The following PCDHGB1 variants were observed in gnomAD, a reference collection of about 807,000 sequenced individuals.
The protein encoded by PCDHGB1 is protocadherin gamma subfamily B, 1.
PCDHGB1 carries 34 observed loss-of-function variants against 56.6 expected under a neutral mutation model. The ratio of observed to expected loss-of-function variants is 0.60; its 90% CI spans 0.46 to 0.80. PCDHGB1 has a LOEUF of 0.80. Ranked by LOEUF, PCDHGB1 falls within the 30% of genes least tolerant of loss-of-function variation. The pLI is 0.00. For synonymous variants in PCDHGB1, 561 were observed against 505.9 expected, an observed-to-expected ratio of 1.11 and a Z score of -1.46; for missense variants, 1,278 against 1,204.6, an observed-to-expected ratio of 1.06 and a Z score of -0.90.
rs2099404773 is a variant in PCDHGB1 at position 141,477,081 on chromosome 5, T to C, written c.2410-17726T>C. ...GACACCAAACTCCATGAGATTTACA[T>C]CCAGGCCAAAGACAAGGGCGCCAAT... On this transcript the variant is annotated intron_variant, in intron 1 of 3. Transcript: ENST00000523390. The surrounding 1 kb of genome is among the most constrained non-coding windows in gnomAD (Gnocchi z 4.9). 6.2e-7 allele frequency: 1 copy of C among 1,614,104 alleles called. No individual in the cohort carries two copies. Among genetic ancestry groups the C allele is most frequent in the Non-Finnish European group, 8.5e-7 (1 of 1,180,052 alleles).
chr5:141,423,811 T>G, intron 1 of PCDHGB1: 1 of 1,254,642 alleles, frequency 8.0e-7, no homozygotes, highest in Non-Finnish European at 1.0e-6. Flanking sequence ...ACATGTGAGT[T>G]TTACTTTGCC....
intron 1 of PCDHGB1, chr5:141,383,490 G>A: frequency 6.2e-7 from 1 of 1,613,286 alleles, no homozygotes; most frequent in South Asian, 1.1e-5. Flanking sequence ...TGGTGCTGGA[G>A]CGGGTGCTGG....
chr5:141,503,209 C>T (rs963237902), intron 2 of PCDHGB1, among the ~76,000 whole-genome samples: 3 of 152,020 alleles, frequency 2.0e-5, no homozygotes, highest in African/African-American at 7.3e-5. Context: ...TCTCAGTGCC[C>T]ACCATGAGCA....
intron 1 of PCDHGB1, chr5:141,389,722 G>T (rs141134077): frequency 1.9e-6 from 3 of 1,612,560 alleles, no homozygotes; most frequent in Non-Finnish European, 1.7e-6. Context: ...AGCGAGCCCG[G>T]GCTCTTCAGC....
rs2097424370 is a variant in PCDHGB1, at chr5:141,431,859, C to G, written c.2410-62948C>G. On this transcript the variant is annotated intron_variant, in intron 1 of 3. Coordinates refer to ENST00000523390, the MANE Select transcript of PCDHGB1 (RefSeq NM_018922.3). The surrounding 1 kb of genome is among the most constrained non-coding windows in gnomAD (Gnocchi z 4.8). ...AACTCTCCCAGAGGGACATTAATTG[C>G]CCTTTTAAATGTAAATGACCAAGAT... is the stretch of plus-strand genomic sequence containing the variant. The G allele has an allele frequency of 1.2e-6, 2 of 1,614,060 alleles. No individual in the cohort carries two copies. Among genetic ancestry groups the G allele is most frequent in the Middle Eastern group, 3.3e-4 (2 of 6,084 alleles).
intron 1 of PCDHGB1, chr5:141,372,213 C>T (rs999187008): frequency 1.2e-6 from 2 of 1,613,592 alleles, no homozygotes; most frequent in Non-Finnish European, 1.7e-6. Context: ...GCTGTCCTAC[C>T]ACATTGTGCA....
At position 141,490,219 on chromosome 5, in the gene PCDHGB1, C is replaced by T. The variant is rs771985398; in HGVS notation, c.2410-4588C>T. 2.5e-5 allele frequency: 41 copies of T among 1,614,094 alleles called. No individual in the cohort carries two copies. The highest frequency in any genetic ancestry group is 3.3e-5 in the Non-Finnish European group (39 of 1,180,038). On this transcript the variant is annotated intron_variant, in intron 1 of 3. Coordinates refer to ENST00000523390, the MANE Select transcript of PCDHGB1 (RefSeq NM_018922.3). This position sits in a 1 kb window ranked among gnomAD's most constrained non-coding sequence, Gnocchi z 5.4. ...TCATGCAAGAGCCCGTGACCAGGGA[C>T]AGCCTGCCATGGAGGGCCACTGTGT... is the stretch of plus-strand genomic sequence containing the variant.
intron 1 of PCDHGB1, chr5:141,361,920 C>G: frequency 1.2e-6 from 2 of 1,608,060 alleles, no homozygotes; most frequent in Middle Eastern, 4.2e-4. Flanking sequence ...TGGCGGTGGA[C>G]GCAGACTCAG....
intron 1 of PCDHGB1, among the ~76,000 whole-genome samples, chr5:141,448,434 GA>G (rs1297090877): frequency 1.3e-5 from 2 of 152,050 alleles, no homozygotes; most frequent in South Asian, 4.2e-4. Flanking sequence ...TATATATTGA[GA>G]AGTCTGACTT....
chr5:141,400,189 C>T (rs376855933), intron 1 of PCDHGB1: 52 of 1,613,938 alleles, frequency 3.2e-5, no homozygotes, highest in Non-Finnish European at 4.2e-5. Flanking sequence ...GCAGTTTTAC[C>T]TAGTGGTGGC....
At chr5:141,409,735 C>T (rs763035733) in intron 1 of PCDHGB1, 1 of 1,613,006 alleles carries the variant, frequency 6.2e-7, no homozygotes, top group Admixed American at 1.7e-5. Context: ...GCGCGCAGAG[C>T]GGGGTGGTGT....
chr5:141,463,438 CTTTTTTTTTT>C (rs71576115), intron 1 of PCDHGB1, among the ~76,000 whole-genome samples: 6 of 103,254 alleles, frequency 5.8e-5, no homozygotes, highest in Non-Finnish European at 9.4e-5. Flanking sequence ...TTTCCTTCTC[CTTTTTTTTTT>C]TTTTTTTTTT....
chr5:141,370,811 G>A (rs367716692), intron 1 of PCDHGB1: 14 of 1,613,898 alleles, frequency 8.7e-6, no homozygotes, highest in Non-Finnish European at 1.2e-5. Context: ...ATATCACTGA[G>A]CTGGAAATCA....
intron 1 of PCDHGB1, among the ~76,000 whole-genome samples, chr5:141,352,985 T>TA (rs913354282): frequency 6.6e-6 from 1 of 152,130 alleles, no homozygotes; most frequent in African/African-American, 2.4e-5. Context: ...GGAAACTGTC[T>TA]AAAAAAACAA....
intron 1 of PCDHGB1, among the ~76,000 whole-genome samples, chr5:141,492,164 C>G (rs1180358388): frequency 6.6e-6 from 1 of 152,230 alleles, no homozygotes; most frequent in Non-Finnish European, 1.5e-5. Context: ...CTCCCTATCC[C>G]CGCATCACCC....
At chr5:141,399,579 C>CT (rs1419885738) in intron 1 of PCDHGB1, 1 of 1,614,026 alleles carries the variant, frequency 6.2e-7, no homozygotes, top group African/African-American at 1.3e-5. Context: ...GCCAAGTCTC[C>CT]TACTCTATCA....
At chr5:141,381,657 C>A (rs1224064730) in intron 1 of PCDHGB1, among the ~76,000 whole-genome samples, 1 of 152,134 alleles carries the variant, frequency 6.6e-6, no homozygotes, top group Non-Finnish European at 1.5e-5. Context: ...AAATGGGTTG[C>A]TTCTATAGCT....
At position 141,357,475 on chromosome 5, in the gene PCDHGB1, C is replaced by G. The variant is rs778953357; in HGVS notation, c.2409+4806C>G. On this transcript the variant is annotated intron_variant, in intron 1 of 3. Transcript: ENST00000523390. Reference sequence around the variant, plus strand: ...GCAGACCTATTCCCACGAGGTCTCCCTCACCGCGGACTCGCGGAAGAGTCA... The same window carrying G: ...GCAGACCTATTCCCACGAGGTCTCCGTCACCGCGGACTCGCGGAAGAGTCA... 4.0e-5 allele frequency: 65 copies of G among 1,614,118 alleles called. No individual in the cohort carries two copies. Among genetic ancestry groups the G allele is most frequent in the Non-Finnish European group, 5.3e-5 (63 of 1,180,052 alleles).
chr5:141,499,996 C>A (rs1246090346), intron 2 of PCDHGB1, among the ~76,000 whole-genome samples: 2 of 151,572 alleles, frequency 1.3e-5, no homozygotes, highest in Non-Finnish European at 2.9e-5. Flanking sequence ...CCAGATGATT[C>A]TTTCATAAGG....
Sources: gnomAD v4.1 joint callset for allele counts (sites outside exome capture counted in the v4.1 genomes callset) on GRCh38, gnomAD v4.1.1 for gene constraint, Gnocchi (gnomAD v3.1) non-coding constraint, MANE v1.5 for transcripts, NCBI Gene and HGNC (gene_info 2026-07-23, HGNC 2026-07-21) for gene names.